The following ABCA2 variants were observed in gnomAD, a reference collection of about 807,000 sequenced individuals.
ABCA2 encodes ATP binding cassette subfamily A member 2.
A neutral mutation model predicts 262.8 loss-of-function variants in ABCA2; 84 were observed. The observed-to-expected ratio is 0.32, with a 90% CI of 0.27 to 0.38. The LOEUF (loss-of-function observed/expected upper bound fraction) is 0.38. Ranked by LOEUF, ABCA2 falls within the 10% of genes least tolerant of loss-of-function variation. ABCA2 has a pLI of 1.00. For missense variants in ABCA2, 2,662 were observed against 3,405.9 expected, an observed-to-expected ratio of 0.78 and a Z score of 5.44; for synonymous variants, 1,696 against 1,502.9, an observed-to-expected ratio of 1.13 and a Z score of -2.97.
upstream of ABCA2, chr9:137,028,659 C>G: frequency 2.6e-6 from 3 of 1,145,466 alleles, no homozygotes; most frequent in Non-Finnish European, 2.2e-6. The surrounding 1 kb of genome is among the most constrained non-coding windows in gnomAD (Gnocchi z 6.9). Context: ...CAGCTCACCC[C>G]CGTAAGGGTC....
chr9:137,021,273 C>T lies in ABCA2; in HGVS notation c.897+119G>A, dbSNP rs1831444133. On this transcript the variant is annotated intron_variant, in intron 8 of 48. Transcript: ENST00000341511. This position sits in a 1 kb window ranked among gnomAD's most constrained non-coding sequence, Gnocchi z 6.0. ...CATGGTGCCATTGGATACCCACCCA[C>T]AGGCAGCATCCCACGCACAGCCTGG... 2.9e-6 allele frequency: 4 copies of T among 1,356,974 alleles called. No individual in the cohort carries two copies. The South Asian group carries it at 5.5e-5, about 19-fold the overall frequency. The allele number at this position is 1,356,974 out of a possible 1,614,324, so 84.1% of individuals were successfully genotyped here. A position where few individuals can be genotyped will look rare whatever the true frequency, so the allele number is the denominator to read the frequency against.
intron 19 of ABCA2, 51 bp downstream of exon 19, chr9:137,016,869 C>G: frequency 1.3e-6 from 2 of 1,597,416 alleles, no homozygotes; most frequent in Non-Finnish European, 1.7e-6. Flanking sequence ...GGTCCCCAAC[C>G]CTGGCTGGGG....
In ABCA2 at chr9:137,024,244, G is replaced by A. The variant is rs549798278; in HGVS notation, c.67-8C>T. 3 of 1,605,082 alleles carry A rather than the reference G, an allele frequency of 1.9e-6. No individual in the cohort carries two copies. In the African/African-American group the frequency reaches 4.0e-5, roughly 21 times the overall value. On this transcript the variant is annotated splice_polypyrimidine_tract_variant and splice_region_variant and intron_variant, in intron 1 of 48. Transcript: ENST00000341511. ...CTCGAAGGCCAGGACCCACTGGAAA[G>A]GGTGGGCCCAGTGAGGGATAGGACA... is the stretch of plus-strand genomic sequence containing the variant.
Position 137,014,234 on chromosome 9 carries a change from C to T in ABCA2, c.4174G>A (p.Asp1392Asn), listed in dbSNP as rs747380393. The change falls in exon 27 of 49, where the codon GAC (aspartate) becomes AAC (asparagine). Residue 1392 changes from aspartate to asparagine, a missense_variant. Transcript: ENST00000341511. ...ARGDEGAGYT[D>N]VYGDYRPLFD... ...AGGGGGCGGTAGTCGCCATAGACGT[C>T]GGTGTAGCCAGCTCCCTCGTCGCCA... 5.3e-5 allele frequency: 86 copies of T among 1,610,244 alleles called. No individual in the cohort carries two copies. The highest frequency in any genetic ancestry group is 9.9e-5 in the South Asian group (9 of 90,532).
In ABCA2 at chr9:137,020,482, C is replaced by T. The variant is rs1385651991; in HGVS notation, c.1279G>A (p.Glu427Lys). 2.5e-6 allele frequency: 4 copies of T among 1,599,674 alleles called. No homozygotes were observed. The highest frequency in any genetic ancestry group is 2.6e-6 in the Non-Finnish European group (3 of 1,173,782). ...CTCATGTTGCCCCGCCGCAGCGCCT[C>T]GGGTTCAATGGTGCTGGGGTAGGGG... ...LCGNNRTIEPEALRRGNMSSL... is the reference protein window; with the variant it reads ...LCGNNRTIEPKALRRGNMSSL... Residue 427 changes from glutamate to lysine, a missense_variant, in exon 10 of 49, where the codon GAG becomes AAG. Glu to Lys is a moderately conservative substitution (Grantham distance 56, BLOSUM62 1). Transcript: ENST00000341511.
intron 3 of ABCA2, chr9:137,023,513 C>T (rs773290338): frequency 1.1e-5 from 8 of 747,602 alleles, no homozygotes; most frequent in Non-Finnish European, 1.7e-5. Context: ...CCGCTCCAGC[C>T]CCAGCCCAGG....
Position 137,023,057 on chromosome 9 carries a change from C to T in ABCA2, c.164-5G>A, listed in dbSNP as rs770939155. On this transcript the variant is annotated splice_polypyrimidine_tract_variant and splice_region_variant and intron_variant, in intron 3 of 48. Transcript: ENST00000341511. ...GGGGCGCCGCTGTGTAGAAGGCTGG[C>T]AGACCCACGGGAGAGGGCAGGGTCG... 6 of 1,574,466 alleles carry T rather than the reference C, an allele frequency of 3.8e-6. No individual in the cohort carries two copies. Among genetic ancestry groups the T allele is most frequent in the Non-Finnish European group, 5.2e-6 (6 of 1,160,812 alleles).
Position 137,010,123 on chromosome 9 carries a change from C to G in ABCA2, c.6355G>C (p.Val2119Leu). The G allele has an allele frequency of 2.5e-6, 4 of 1,592,664 alleles. No homozygotes were observed. The Admixed American group carries it at 6.7e-5, about 27-fold the overall frequency. The change falls in exon 42 of 49, where the codon GTG becomes CTG. Residue 2119 changes from valine to leucine, a missense_variant and splice_region_variant. Around this residue, in one of 12 missense-constraint regions of ABCA2, gnomAD observed 602 missense variants for 897.4 expected, o/e 0.67. Transcript: ENST00000341511. ...GGEAFVNGHS[V>L]LKELLQVQQS... ...TGCACCTGGAGCAGCTCCTTCAGCACGCTGGGGACACGGCAGCTGTCAGCG... is the reference window on the plus strand; with the variant it reads ...TGCACCTGGAGCAGCTCCTTCAGCAGGCTGGGGACACGGCAGCTGTCAGCG...
rs771126007 is a variant in ABCA2 at position 137,015,814 on chromosome 9, C to G, written c.3375G>C (p.Ser1125=). The G allele has an allele frequency of 6.2e-7, 1 of 1,612,314 alleles. No homozygotes were observed. The highest frequency in any genetic ancestry group is 1.7e-5 in the Admixed American group (1 of 60,014). ...CGGACAGCTTGCGCTTCATGCCACC[C>G]GACAATGTCTGCACCAGTGAGTGCC... is the stretch of plus-strand genomic sequence containing the variant. The part of the protein sequence containing the change: ...NKRHSLVQTL[S]GGMKRKLSVA... Residue 1125 remains serine (S), a synonymous_variant, in exon 23 of 49, where the codon TCG becomes TCC. Coordinates refer to ENST00000341511, the MANE Select transcript of ABCA2 (RefSeq NM_001606.5).
At chr9:137,023,094 GGA>G (rs143669673) in intron 3 of ABCA2, 42 bp from the exon 4 acceptor site, 7,772 of 1,349,214 alleles carry the variant, frequency 5.8e-3, no homozygotes, top group Non-Finnish European at 6.2e-3. Context: ...GGGTGAAAGG[GGA>G]GAGAGAGAGA....
chr9:137,021,308 C>T lies in ABCA2; in HGVS notation c.897+84G>A. The stretch of plus-strand genomic sequence containing the variant: ...CCCACGCACAGCCTGGGCCCAGGAG[C>T]CCTGAGCTCTCCAAGCGGTCCCAGC... On this transcript the variant is annotated intron_variant, in intron 8 of 48. Transcript: ENST00000341511. The surrounding 1 kb of genome is among the most constrained non-coding windows in gnomAD (Gnocchi z 6.0). The T allele has an allele frequency of 6.6e-7, 1 of 1,515,278 alleles. No homozygotes were observed. Among genetic ancestry groups the T allele is most frequent in the Non-Finnish European group, 8.9e-7 (1 of 1,121,860 alleles). The allele number at this position is 1,515,278 out of a possible 1,614,324, so 93.9% of individuals were successfully genotyped here. A position where few individuals can be genotyped will look rare whatever the true frequency, so the allele number is the denominator to read the frequency against.
chr9:137,008,846 T>C lies in ABCA2; in HGVS notation c.6953A>G (p.Gln2318Arg), dbSNP rs1323293100. The C allele has an allele frequency of 1.2e-6, 2 of 1,605,166 alleles. No homozygotes were observed. Among genetic ancestry groups the C allele is most frequent in the Admixed American group, 3.3e-5 (2 of 59,956 alleles). The stretch of plus-strand genomic sequence containing the variant: ...GATGTGCTCCGACTTGAGCTGGTAC[T>C]GCACCTTTGTGTGGTGCCGCTCCTG... The part of the protein sequence containing the change: ...MLKERHHTKV[Q>R]YQLKSEHISL... The change falls in exon 47 of 49, where the codon CAG becomes CGG. Residue 2318 changes from glutamine (Q) to arginine (R), a missense_variant. Coordinates refer to ENST00000341511, the MANE Select transcript of ABCA2 (RefSeq NM_001606.5).
Position 137,022,078 on chromosome 9 carries a change from C to T in ABCA2, c.568-77G>A, listed in dbSNP as rs1305641774. 2.6e-5 allele frequency: 8 copies of T among 307,896 alleles called. No homozygotes were observed. The African/African-American group carries it at 2.7e-4, about 10-fold the overall frequency. The allele number at this position is 307,896 out of a possible 1,614,324, so 19.1% of individuals were successfully genotyped here. On this transcript the variant is annotated intron_variant, in intron 6 of 48. Coordinates refer to ENST00000341511, the MANE Select transcript of ABCA2 (RefSeq NM_001606.5). ...ATGGTGGGGGCGTGGCTCCGATGGACGTGTGGGGGCGTGGCTTAGATGGTG... is the reference window on the plus strand; with the variant it reads ...ATGGTGGGGGCGTGGCTCCGATGGATGTGTGGGGGCGTGGCTTAGATGGTG...
chr9:137,014,070 T>C (rs768820973), intron 27 of ABCA2, 32 bp from the exon 28 acceptor site: 9 of 1,603,506 alleles, frequency 5.6e-6, no homozygotes, highest in Non-Finnish European at 6.8e-6. Flanking sequence ...GAGCAGGTGG[T>C]TGCACGCTAC....
At chr9:137,008,241 G>T in intron 48 of ABCA2, 175 bp downstream of exon 48, 1 of 858,390 alleles carries the variant, frequency 1.2e-6, no homozygotes, top group Non-Finnish European at 1.9e-6. Context: ...GGACCATGCA[G>T]TTACGTCTCT....
Position 137,018,214 on chromosome 9 carries a change from G to C in ABCA2, c.1957C>G (p.Arg653Gly), listed in dbSNP as rs970695796. 1.3e-5 allele frequency: 21 copies of C among 1,611,492 alleles called. No individual in the cohort carries two copies. The highest frequency in any genetic ancestry group is 2.7e-5 in the African/African-American group (2 of 74,614). Residue 653 changes from arginine to glycine, a missense_variant, in exon 14 of 49, where the codon CGC becomes GGC. Arg to Gly is a moderately radical substitution (Grantham distance 125, BLOSUM62 -2). Around this residue, in one of 12 missense-constraint regions of ABCA2, gnomAD observed 187 missense variants for 205.9 expected, o/e 0.91. Coordinates refer to ENST00000341511, the MANE Select transcript of ABCA2 (RefSeq NM_001606.5). ...YWRPGPNTGG[R>G]FYFLYGFVWI... ...ACGAAGCCGTAGAGGAAGTAGAAGCGGCCGCCAGTATTGGGCCCAGGCCGC... is the reference window on the plus strand; with the variant it reads ...ACGAAGCCGTAGAGGAAGTAGAAGCCGCCGCCAGTATTGGGCCCAGGCCGC...
Position 137,021,525 on chromosome 9 carries a change from T to C in ABCA2, c.764A>G (p.Glu255Gly), listed in dbSNP as rs1469500968. The C allele has an allele frequency of 6.2e-7, 1 of 1,602,660 alleles. No individual in the cohort carries two copies. Residue 255 changes from glutamate to glycine, a missense_variant, in exon 8 of 49, where the codon GAG becomes GGG. This residue lies in a region of ABCA2 where 403 missense variants were observed against 375.9 expected (regional missense o/e 1.07). Transcript: ENST00000341511. This position sits in a 1 kb window ranked among gnomAD's most constrained non-coding sequence, Gnocchi z 6.0. ...GELGRILTVPESQKGALQGYR... is the reference protein window; with the variant it reads ...GELGRILTVPGSQKGALQGYR... The stretch of plus-strand genomic sequence containing the variant: ...GCCCTGCAGGGCTCCCTTCTGACTC[T>C]CAGGCACAGTGAGGATCCGGCCCAG...
rs754247439 is a variant in ABCA2 at position 137,010,276 on chromosome 9, G to A, written c.6270C>T (p.Asn2090=). The A allele has an allele frequency of 3.5e-5, 56 of 1,596,992 alleles. No individual in the cohort carries two copies. The East Asian group carries it at 3.9e-4, about 11-fold the overall frequency. The change falls in exon 41 of 49, where the codon AAC becomes AAT. Residue 2090 remains asparagine (N), a synonymous_variant. Transcript: ENST00000341511. Reference sequence around the variant, plus strand: ...TGAAGGTGCTGGTCTTGCCCGCACCGTTGACGCCCAGGAGCCCGAAGCACT... The same window carrying A: ...TGAAGGTGCTGGTCTTGCCCGCACCATTGACGCCCAGGAGCCCGAAGCACT... ...PGECFGLLGV[N]GAGKTSTFKM... is the part of the protein sequence containing the mutation.
intron 12 of ABCA2, 24 bp from the exon 13 acceptor site, chr9:137,018,839 G>A (rs778179102): frequency 6.2e-6 from 10 of 1,612,428 alleles, no homozygotes; most frequent in African/African-American, 2.7e-5. Flanking sequence ...CATCGCTGGA[G>A]CCCGCCGTGG....
Sources: gnomAD v4.1 joint callset for allele counts on GRCh38, gnomAD v4.1.1 for gene constraint, gnomAD v4.1.1 regional missense constraint, Gnocchi (gnomAD v3.1) non-coding constraint, MANE v1.5 for transcripts, NCBI Gene and HGNC (gene_info 2026-07-23, HGNC 2026-07-21) for gene names.